Variants in PPP1R7 observed in about 807,000 individuals in gnomAD.
PPP1R7 encodes the protein protein phosphatase 1 regulatory subunit 7.
Under a neutral mutation model 45.2 loss-of-function variants are expected in PPP1R7, and 18 were observed. The ratio of observed to expected loss-of-function variants is 0.40; its 90% CI spans 0.28 to 0.59. The LOEUF is 0.59. Ranked by LOEUF, PPP1R7 falls within the 20% of genes least tolerant of loss-of-function variation. The pLI, the probability that PPP1R7 is intolerant of heterozygous loss-of-function variation, is 0.46. For missense variants in PPP1R7, 314 were observed against 455.8 expected, an observed-to-expected ratio of 0.69 and a Z score of 2.83; for synonymous variants, 181 against 183.4, an observed-to-expected ratio of 0.99 and a Z score of 0.11.
At chr2:241,150,381 C>CGGGGGG, upstream of PPP1R7, 1 of 960,470 alleles carries the variant, frequency 1.0e-6, no homozygotes, top group Non-Finnish European at 1.3e-6. Context: ...GCAGGCGCGG[C>CGGGGGG]GCGGCTGAAG....
At chr2:241,166,717 C>A (rs2067720379) in intron 8 of PPP1R7, among the ~76,000 whole-genome samples, 1 of 152,224 alleles carries the variant, frequency 6.6e-6, no homozygotes, top group Non-Finnish European at 1.5e-5. Context: ...CTTCCCTAGG[C>A]TTCCTCAATG....
At chr2:241,177,971 A>G (rs1013722477) in intron 9 of PPP1R7, among the ~76,000 whole-genome samples, 1 of 152,196 alleles carries the variant, frequency 6.6e-6, no homozygotes, top group Non-Finnish European at 1.5e-5. Flanking sequence ...AAGTGATGCC[A>G]TTTAAATTAC....
intron 1 of PPP1R7, among the ~76,000 whole-genome samples, 159 bp from the exon 2 acceptor site, chr2:241,153,317 A>G (rs1575379577): frequency 6.6e-6 from 1 of 152,198 alleles, no homozygotes; most frequent in East Asian, 1.9e-4. Flanking sequence ...ATATGCCTCA[A>G]ATGGTGCTGG....
chr2:241,171,148 A>T (rs1434748823), intron 9 of PPP1R7, among the ~76,000 whole-genome samples: 2 of 152,214 alleles, frequency 1.3e-5, no homozygotes, highest in Non-Finnish European at 2.9e-5. Flanking sequence ...TTCCTTCTGC[A>T]TGCCCTGCCT....
At chr2:241,151,520 A>C (rs201853951) in intron 1 of PPP1R7, 8 of 471,116 alleles carry the variant, frequency 1.7e-5, no homozygotes, top group Admixed American at 7.0e-5. Flanking sequence ...AAGAGCAAGA[A>C]TCACTCAAGA....
Position 241,157,850 on chromosome 2 carries a change from C to T in PPP1R7, c.225C>T (p.Asp75=), listed in dbSNP as rs758112529. The T allele has an allele frequency of 1.2e-5, 20 of 1,613,888 alleles. No homozygotes were observed. Among genetic ancestry groups the T allele is most frequent in the Non-Finnish European group, 1.6e-5 (19 of 1,179,880 alleles). ...TGGACATGGAAACCATCAACCTGGA[C>T]AGAGATGCAGAGGTAATGCCGCCTG... ...LPVDMETINL[D]RDAEDVDLNH... The change falls in exon 3 of 10, where the codon GAC becomes GAT. Residue 75 remains aspartate (D), a synonymous_variant. Coordinates refer to ENST00000234038, the MANE Select transcript of PPP1R7 (RefSeq NM_002712.3).
chr2:241,181,369 A>C (rs2068004051), intron 9 of PPP1R7, among the ~76,000 whole-genome samples: 1 of 151,622 alleles, frequency 6.6e-6, no homozygotes, highest in Admixed American at 6.6e-5. Flanking sequence ...ATATGAAACA[A>C]CTCTATTCAG....
In PPP1R7 at chr2:241,153,618, C is replaced by T. The variant is rs370790829; in HGVS notation, c.181+14C>T. 56 of 1,612,858 alleles carry T rather than the reference C, an allele frequency of 3.5e-5. No individual in the cohort carries two copies. In the South Asian group the frequency reaches 5.6e-4, roughly 16 times the overall value. On this transcript the variant is annotated intron_variant, in intron 2 of 9. Coordinates refer to ENST00000234038, the MANE Select transcript of PPP1R7 (RefSeq NM_002712.3). ...AGGACCCAGAAGGTACCAGGCCCAG[C>T]TCCCTTGGGGACATCTGCTGGTTGG...
chr2:241,151,274 C>T (rs970939789), intron 1 of PPP1R7, among the ~76,000 whole-genome samples: 1 of 152,204 alleles, frequency 6.6e-6, no homozygotes, highest in African/African-American at 2.4e-5. Context: ...GTGTCATCAG[C>T]TTAAGTACTT....
At chr2:241,154,594 A>G (rs2067405778) in intron 2 of PPP1R7, among the ~76,000 whole-genome samples, 1 of 152,188 alleles carries the variant, frequency 6.6e-6, no homozygotes, top group African/African-American at 2.4e-5. Context: ...AGTCCCAGCT[A>G]CTCAGGAGGC....
In PPP1R7 at chr2:241,160,461, A is replaced by G; in HGVS notation, c.564A>G (p.Leu188=). ...AGAACTTAAGCAACTTACATCAACT[A>G]CAGATGCTAGAGCTGGGATCTAACC... is the stretch of plus-strand genomic sequence containing the variant. The part of the protein sequence containing the change: ...KIENLSNLHQ[L]QMLELGSNRI... The change falls in exon 6 of 10, where the codon CTA becomes CTG. Residue 188 remains leucine (L), a synonymous_variant. Coordinates refer to ENST00000234038, the MANE Select transcript of PPP1R7 (RefSeq NM_002712.3). The G allele has an allele frequency of 6.2e-7, 1 of 1,611,164 alleles. No individual in the cohort carries two copies. The highest frequency in any genetic ancestry group is 8.5e-7 in the Non-Finnish European group (1 of 1,179,102).
At chr2:241,152,429 T>A (rs1018605147) in intron 1 of PPP1R7, among the ~76,000 whole-genome samples, 1 of 151,780 alleles carries the variant, frequency 6.6e-6, no homozygotes, top group African/African-American at 2.4e-5. Flanking sequence ...CAGAGACGAG[T>A]TAGGAGGCAG....
At chr2:241,175,224 A>T (rs530176009) in intron 9 of PPP1R7, among the ~76,000 whole-genome samples, 1 of 152,342 alleles carries the variant, frequency 6.6e-6, no homozygotes, top group South Asian at 2.1e-4. Context: ...GGAAGTGTAC[A>T]GTGAGTGGTA....
At chr2:241,172,192 G>C (rs529431875) in intron 9 of PPP1R7, among the ~76,000 whole-genome samples, 17 of 149,642 alleles carry the variant, frequency 1.1e-4, no homozygotes, top group African/African-American at 4.2e-4. Context: ...TCTATTATTG[G>C]CTTATTTGCT....
chr2:241,157,963 T>G, intron 3 of PPP1R7, 101 bp downstream of exon 3: 2 of 1,244,842 alleles, frequency 1.6e-6, no homozygotes, highest in Non-Finnish European at 2.3e-6. Flanking sequence ...AGAGGTGGCC[T>G]AAGCCTCCCT....
At position 241,153,595 on chromosome 2, in the gene PPP1R7, G is replaced by A. The variant is rs763352972; in HGVS notation, c.172G>A (p.Asp58Asn). 5.6e-6 allele frequency: 9 copies of A among 1,613,784 alleles called. No homozygotes were observed. In the African/African-American group the frequency reaches 1.1e-4, roughly 19 times the overall value. Residue 58 changes from aspartate (D) to asparagine (N), a missense_variant, in exon 2 of 10, where the codon GAC becomes AAC. Asp to Asn is a conservative substitution (Grantham distance 23, BLOSUM62 1). This residue lies in a region of PPP1R7 where 112 missense variants were observed against 144.5 expected (regional missense o/e 0.78). Coordinates refer to ENST00000234038, the MANE Select transcript of PPP1R7 (RefSeq NM_002712.3). The stretch of plus-strand genomic sequence containing the variant: ...GGATGGGGAGGAGCGGGGGGAGGAG[G>A]ACCCAGAAGGTACCAGGCCCAGCTC... The part of the protein sequence containing the change: ...LKDGEERGEE[D>N]PEEEHELPVD...
chr2:241,163,198 A>G (rs1342424799), intron 6 of PPP1R7, 87 bp from the exon 7 acceptor site: 2 of 790,820 alleles, frequency 2.5e-6, no homozygotes, highest in Non-Finnish European at 4.3e-6. Context: ...TGAAGCCCAC[A>G]TAGCTCTGCC....
intron 6 of PPP1R7, among the ~76,000 whole-genome samples, chr2:241,161,852 G>C (rs974334375): frequency 2.0e-5 from 3 of 152,218 alleles, no homozygotes; most frequent in Non-Finnish European, 4.4e-5. Flanking sequence ...CCCGTGCCTG[G>C]CTCCTAATCA....
Position 241,183,040 on chromosome 2 carries a change from T to G in PPP1R7, c.*217T>G, listed in dbSNP as rs1017365936. On this transcript the variant is annotated 3_prime_UTR_variant, in exon 10 of 10. Coordinates refer to ENST00000234038, the MANE Select transcript of PPP1R7 (RefSeq NM_002712.3). Reference sequence around the variant, plus strand: ...CCACACTGTCCTCCTGGGTGATTGTTGACAGTTATTGTAGCCACAGAGAGA... The same window carrying G: ...CCACACTGTCCTCCTGGGTGATTGTGGACAGTTATTGTAGCCACAGAGAGA... 3 of 587,124 alleles carry G rather than the reference T, an allele frequency of 5.1e-6. No individual in the cohort carries two copies. The East Asian group carries it at 8.6e-5, about 17-fold the overall frequency. 36.4% of individuals were successfully genotyped at this position (587,124 alleles called of 1,614,324 possible). A position where few individuals can be genotyped will look rare whatever the true frequency, so the allele number is the denominator to read the frequency against.
Sources: allele counts gnomAD v4.1 joint callset (sites outside exome capture counted in the v4.1 genomes callset), GRCh38; gene constraint gnomAD v4.1.1; regional missense constraint gnomAD v4.1.1; transcripts MANE v1.5; gene names NCBI Gene and HGNC (gene_info 2026-07-23, HGNC 2026-07-21).